TRAPPC9: variants seen among roughly 807,000 people sequenced by gnomAD.
TRAPPC9 encodes the protein trafficking protein particle complex subunit 9.
A neutral mutation model predicts 124.0 loss-of-function variants in TRAPPC9; 83 were observed. That is an observed-to-expected ratio of 0.67 (90% CI 0.56 to 0.80). The LOEUF (loss-of-function observed/expected upper bound fraction) is 0.80. Among genes scored for constraint, TRAPPC9 ranks in the 30% least tolerant of loss-of-function variants. The pLI is 0.00. For synonymous variants in TRAPPC9, 638 were observed against 617.5 expected (o/e 1.03, Z -0.49); for missense variants, 1,302 against 1,508.3 (o/e 0.86, Z 2.27).
chr8:140,298,439 C>T (rs2065872676), intron 11 of TRAPPC9, among the ~76,000 whole-genome samples: 1 of 152,074 alleles, frequency 6.6e-6, no homozygotes, highest in African/African-American at 2.4e-5. Flanking sequence ...ATTCACTTGA[C>T]CCCAAGAATT....
chr8:140,269,986 G>C (rs1039145390), intron 15 of TRAPPC9, among the ~76,000 whole-genome samples: 1 of 152,094 alleles, frequency 6.6e-6, no homozygotes, highest in African/African-American at 2.4e-5. Flanking sequence ...TGTAATCCCA[G>C]TTACTCAGGA....
chr8:139,986,565 C>T (rs1837249817), intron 19 of TRAPPC9, among the ~76,000 whole-genome samples: 1 of 152,184 alleles, frequency 6.6e-6, no homozygotes. Context: ...ATTTGCATTA[C>T]CACCTAATGT....
chr8:139,975,927 CTTTTTTTTTTTTT>C (rs528679775), intron 19 of TRAPPC9, among the ~76,000 whole-genome samples: 1 of 95,566 alleles, frequency 1.0e-5, no homozygotes, highest in African/African-American at 4.0e-5. Context: ...AAAGGACAGT[CTTTTTTTTTTTTT>C]TTTTTTTTTT....
rs114555412 is a variant in TRAPPC9, at chr8:140,042,790, G to A, written c.2557-18711C>T. Among the ~76,000 whole-genome samples the A allele has an allele frequency of 9.6e-3, 1,459 of 152,316 alleles. 22 individuals carry two copies. The highest frequency in any genetic ancestry group is 0.033 in the African/African-American group (1,375 of 41,552). On this transcript the variant is annotated intron_variant, in intron 17 of 22. Transcript: ENST00000438773. ...CTGCTGATCTTCGCAGTTATTCAAC[G>A]ACTCTTCTAGTCTGTGGCCTTTGCT...
intron 10 of TRAPPC9, among the ~76,000 whole-genome samples, chr8:140,305,740 G>A (rs185346103): frequency 1.3e-5 from 2 of 152,320 alleles, no homozygotes; most frequent in East Asian, 3.9e-4. Context: ...CATCTAATTA[G>A]AGGCAAAATT....
At chr8:140,051,788 T>TA (rs1351500988) in intron 17 of TRAPPC9, among the ~76,000 whole-genome samples, 1 of 151,970 alleles carries the variant, frequency 6.6e-6, no homozygotes, top group African/African-American at 2.4e-5. Context: ...TCCCTGTGGG[T>TA]AAGAATATGT....
At chr8:139,958,426 C>T (rs2131546869) in intron 19 of TRAPPC9, among the ~76,000 whole-genome samples, 1 of 152,316 alleles carries the variant, frequency 6.6e-6, no homozygotes, top group African/African-American at 2.4e-5. Flanking sequence ...CTTTGCCGAC[C>T]CCAGTTTCCA....
upstream of TRAPPC9, chr8:140,458,215 G>A (rs1350048601): frequency 2.6e-6 from 4 of 1,550,388 alleles, no homozygotes; most frequent in East Asian, 7.3e-5. Context: ...CAGAGACTAG[G>A]AGGAAAGCTT....
chr8:140,302,871 G>A (rs546945550), intron 10 of TRAPPC9: 2 of 152,338 alleles, frequency 1.3e-5, no homozygotes, highest in South Asian at 4.2e-4. Context: ...GTAGCAAGGT[G>A]GGGCCAGCCG....
chr8:140,148,919 A>C (rs2061500314), intron 17 of TRAPPC9, among the ~76,000 whole-genome samples: 1 of 152,146 alleles, frequency 6.6e-6, no homozygotes, highest in East Asian at 1.9e-4. Flanking sequence ...CAAATTGTTA[A>C]TTTACAGCCA....
At chr8:140,422,304 A>C (rs1487141744) in intron 5 of TRAPPC9, among the ~76,000 whole-genome samples, 1 of 151,928 alleles carries the variant, frequency 6.6e-6, no homozygotes, top group Non-Finnish European at 1.5e-5. Flanking sequence ...CATCAAAAGC[A>C]CAGGAACAAA....
chr8:140,244,039 A>G (rs2063922847), intron 16 of TRAPPC9, among the ~76,000 whole-genome samples: 1 of 152,220 alleles, frequency 6.6e-6, no homozygotes, highest in South Asian at 2.1e-4. Flanking sequence ...CACGCTCCTT[A>G]TGAGAATCTA....
chr8:140,157,085 TTTTCCATTCAGAAGCCTCCC>T lies in TRAPPC9; in HGVS notation c.2556+64354_2556+64373del, dbSNP rs145904453. Among the ~76,000 whole-genome samples, 115 of 44,600 alleles carry T rather than the reference TTTTCCATTCAGAAGCCTCCC, an allele frequency of 2.6e-3. 7 individuals are homozygous for T. The highest frequency in any genetic ancestry group is 0.013 in the Middle Eastern group (1 of 78). 29.3% of individuals were successfully genotyped at this position (44,600 alleles called of 152,430 possible). Reference sequence around the variant, plus strand: ...CTCCCTTTCCATTCAAAAGCCTCCCTTTTCCATTCAGAAGCCTCCCTTTCCATTCAGAAGCCTCCCTTTTC... The same window carrying T: ...CTCCCTTTCCATTCAAAAGCCTCCCTTTTCCATTCAGAAGCCTCCCTTTTC... On this transcript the variant is annotated intron_variant, in intron 17 of 22. Coordinates refer to ENST00000438773, the MANE Select transcript of TRAPPC9 (RefSeq NM_001160372.4).
At chr8:139,804,241 C>T (rs1288018577) in intron 21 of TRAPPC9, among the ~76,000 whole-genome samples, 2 of 142,638 alleles carry the variant, frequency 1.4e-5, no homozygotes, top group Non-Finnish European at 1.5e-5. Context: ...CACCACCCAC[C>T]ACCACCACCA....
intron 17 of TRAPPC9, among the ~76,000 whole-genome samples, chr8:140,107,856 G>T (rs780527317): frequency 7.0e-6 from 1 of 143,728 alleles, no homozygotes; most frequent in Non-Finnish European, 1.5e-5. Context: ...TCTGTGCAGG[G>T]CAGAGAGGAG....
At chr8:139,857,251 C>T (rs1165298291) in intron 21 of TRAPPC9, among the ~76,000 whole-genome samples, 1 of 152,102 alleles carries the variant, frequency 6.6e-6, no homozygotes, top group Non-Finnish European at 1.5e-5. Flanking sequence ...GGCCTGGTAT[C>T]GCAGGACACA....
At chr8:140,401,483 G>GA (rs1226561157) in intron 6 of TRAPPC9, among the ~76,000 whole-genome samples, 1 of 152,106 alleles carries the variant, frequency 6.6e-6, no homozygotes, top group African/African-American at 2.4e-5. Flanking sequence ...TGATTCTATG[G>GA]AAATGCCATT....
At chr8:139,924,249 G>A (rs192315460) in intron 19 of TRAPPC9, among the ~76,000 whole-genome samples, 6 of 152,320 alleles carry the variant, frequency 3.9e-5, no homozygotes, top group Non-Finnish European at 5.9e-5. Flanking sequence ...AGAGTGTAAC[G>A]GTGAGGTTTG....
intron 20 of TRAPPC9, among the ~76,000 whole-genome samples, chr8:139,903,667 A>T (rs1831161243): frequency 6.6e-6 from 1 of 152,174 alleles, no homozygotes; most frequent in South Asian, 2.1e-4. Context: ...TCACACACTC[A>T]TCACGGCACT....
Sources: gnomAD v4.1 joint callset for allele counts (sites outside exome capture counted in the v4.1 genomes callset) on GRCh38, gnomAD v4.1.1 for gene constraint, MANE v1.5 for transcripts, NCBI Gene and HGNC (gene_info 2026-07-23, HGNC 2026-07-21) for gene names.